The following MUC5AC variants were observed in gnomAD, a reference collection of about 807,000 sequenced individuals.
The protein encoded by MUC5AC is mucin-5AC.
In MUC5AC, 158 loss-of-function variants were observed where a neutral mutation model predicts 169.7. The ratio of observed to expected loss-of-function variants is 0.93; its 90% CI spans 0.82 to 1.06. The LOEUF (loss-of-function observed/expected upper bound fraction) is 1.06. Among genes scored for constraint, MUC5AC ranks in the 50% least tolerant of loss-of-function variants. The pLI is 0.00. For missense variants in MUC5AC, 4,359 were observed against 3,089.9 expected (o/e 1.41, Z -9.74); for synonymous variants, 1,975 against 1,237.0 (o/e 1.60, Z -12.52).
intron 19 of MUC5AC, among the ~76,000 whole-genome samples, chr11:1,175,516 GACACGCCCACTCATGCAC>G: frequency 1.1e-5 from 1 of 90,866 alleles, no homozygotes; most frequent in South Asian, 3.7e-4. Flanking sequence ...TGCACACGCT[GACACGCCCACTCATGCAC>G]ACACACCCAT....
Position 1,177,323 on chromosome 11 carries a change from G to A in MUC5AC, c.2886G>A (p.Lys962=). The part of the protein sequence containing the change: ...PCGTTGTTCS[K]AIKIFLGGFE... ...GCACCACAGGGACCACCTGCTCCAA[G>A]GCCATCAAGATTTTCCTGGGGGTGA... is the stretch of plus-strand genomic sequence containing the variant. The change falls in exon 23 of 49, where the codon AAG becomes AAA. Residue 962 remains lysine (K), a synonymous_variant. Coordinates refer to ENST00000621226, the MANE Select transcript of MUC5AC (RefSeq NM_001304359.2). 2.2e-6 allele frequency: 1 copy of A among 457,216 alleles called. No individual in the cohort carries two copies. Among genetic ancestry groups the A allele is most frequent in the Non-Finnish European group, 3.9e-6 (1 of 256,684 alleles). The allele number at this position is 457,216 out of a possible 1,614,324, so 28.3% of individuals were successfully genotyped here.
rs1861116321 is a variant in MUC5AC, at chr11:1,191,862, CCCA to C, written c.13724_13726del (p.Thr4575del). 1 of 762,994 alleles carries C rather than the reference CCCA, an allele frequency of 1.3e-6. No individual in the cohort carries two copies. Among genetic ancestry groups the C allele is most frequent in the Non-Finnish European group, 2.4e-6 (1 of 417,460 alleles). The allele number at this position is 762,994 out of a possible 1,614,324, so 47.3% of individuals were successfully genotyped here. A position where few individuals can be genotyped will look rare whatever the true frequency, so the allele number is the denominator to read the frequency against. The stretch of plus-strand genomic sequence containing the variant: ...TCCTGGAACTACTCCCAGCCCTGTT[CCCA>C]CCACCAGCACAACCTCTGCTCCTAC... On this transcript the variant is annotated inframe_deletion, in exon 31 of 49. Transcript: ENST00000621226.
Position 1,186,241 on chromosome 11 carries a change from C to T in MUC5AC, c.8096C>T (p.Thr2699Ile), listed in dbSNP as rs1860941677. The change falls in exon 31 of 49, where the codon ACT (threonine) becomes ATT (isoleucine). Residue 2699 changes from threonine to isoleucine, a missense_variant. Physicochemically the swap from Thr to Ile is moderately conservative, Grantham distance 89 (BLOSUM62 -1). Transcript: ENST00000621226. ...TTSTTSGPGT[T>I]PSPVPTTSTT... ...AGCACAACCTCTGGTCCTGGAACTA[C>T]TCCCAGCCCTGTTCCCACCACCAGC... 1 of 720,090 alleles carries T rather than the reference C, an allele frequency of 1.4e-6. No individual in the cohort carries two copies. The highest frequency in any genetic ancestry group is 2.6e-6 in the Non-Finnish European group (1 of 389,722). 44.6% of individuals were successfully genotyped at this position (720,090 alleles called of 1,614,324 possible). A position where few individuals can be genotyped will look rare whatever the true frequency, so the allele number is the denominator to read the frequency against.
intron 40 of MUC5AC, among the ~76,000 whole-genome samples, chr11:1,197,165 T>G (rs1861298676): frequency 6.6e-6 from 1 of 152,060 alleles, no homozygotes; most frequent in Non-Finnish European, 1.5e-5. Flanking sequence ...TGTGGGTGGG[T>G]GCTGGCCCCG....
At position 1,199,706 on chromosome 11, in the gene MUC5AC, C is replaced by A. The variant is rs1469502250; in HGVS notation, c.16527C>A (p.Arg5509=). Residue 5509 remains arginine, a synonymous_variant, in exon 47 of 49, where the codon CGC becomes CGA. Coordinates refer to ENST00000621226, the MANE Select transcript of MUC5AC (RefSeq NM_001304359.2). ...PPLSCSLDEA[R]MSKDGCCRFC... is the part of the protein sequence containing the mutation. ...CTCTGTCGGCACAGGACGAGGCCCG[C>A]ATGAGCAAGGACGGCTGCTGCCGCT... 4 of 710,464 alleles carry A rather than the reference C, an allele frequency of 5.6e-6. No homozygotes were observed. Among genetic ancestry groups the A allele is most frequent in the Middle Eastern group, 2.3e-4 (1 of 4,316 alleles). The allele number at this position is 710,464 out of a possible 1,614,324, so 44.0% of individuals were successfully genotyped here. A position where few individuals can be genotyped will look rare whatever the true frequency, so the allele number is the denominator to read the frequency against.
At chr11:1,161,847 AG>A in intron 3 of MUC5AC, 59 bp from the exon 4 acceptor site, 2 of 1,559,296 alleles carry the variant, frequency 1.3e-6, no homozygotes, top group Admixed American at 1.8e-5. Flanking sequence ...GGGCAGAGGC[AG>A]GGGGTGCAGG....
chr11:1,178,558 TC>T lies in MUC5AC; in HGVS notation c.3207del (p.Ser1070ProfsTer51). On this transcript the variant is annotated frameshift_variant, in exon 25 of 49. Transcript: ENST00000621226. LOFTEE classifies it high-confidence loss of function. ...GGAGTTTGGGAACAGCTGGAAGCTCTCCCCCTCCTGCCCAGATGCCCTGGCG... is the reference window on the plus strand; with the variant it reads ...GGAGTTTGGGAACAGCTGGAAGCTCTCCCCTCCTGCCCAGATGCCCTGGCG... ...VLEFGNSWKL[S>X]PSCPDALAPK... 2.2e-6 allele frequency: 3 copies of T among 1,379,642 alleles called. No individual in the cohort carries two copies. Among genetic ancestry groups the T allele is most frequent in the South Asian group, 1.8e-5 (1 of 56,384 alleles). 85.5% of individuals were successfully genotyped at this position (1,379,642 alleles called of 1,614,324 possible).
At position 1,191,412 on chromosome 11, in the gene MUC5AC, A is replaced by G. The variant is rs1441270234; in HGVS notation, c.13267A>G (p.Thr4423Ala). 1.6e-5 allele frequency: 12 copies of G among 727,790 alleles called. No homozygotes were observed. Among genetic ancestry groups the G allele is most frequent in the Non-Finnish European group, 2.8e-5 (11 of 399,680 alleles). 45.1% of individuals were successfully genotyped at this position (727,790 alleles called of 1,614,324 possible). Residue 4423 changes from threonine to alanine, a missense_variant, in exon 31 of 49, where the codon ACC (threonine) becomes GCC (alanine). By Grantham distance (58) the Thr-to-Ala change is moderately conservative. Transcript: ENST00000621226. ...PTTSTTSAPT[T>A]RTTPASTAST... is the part of the protein sequence containing the mutation. The stretch of plus-strand genomic sequence containing the variant: ...CACCAGCACAACCTCTGCTCCTACA[A>G]CCAGAACAACCCCTGCCTCTACAGC...
At position 1,189,052 on chromosome 11, in the gene MUC5AC, C is replaced by T; in HGVS notation, c.10907C>T (p.Thr3636Ile). 1 of 651,272 alleles carries T rather than the reference C, an allele frequency of 1.5e-6. No individual in the cohort carries two copies. Among genetic ancestry groups the T allele is most frequent in the Non-Finnish European group, 2.8e-6 (1 of 361,888 alleles). 40.3% of individuals were successfully genotyped at this position (651,272 alleles called of 1,614,324 possible). ...VTSTSVTAPSTPSGRATSPTQ... is the reference protein window; with the variant it reads ...VTSTSVTAPSIPSGRATSPTQ... ...TCCACATCTGTGACAGCTCCTAGCA[C>T]CCCTAGTGGGAGAGCCACCAGCCCA... is the stretch of plus-strand genomic sequence containing the variant. Residue 3636 changes from threonine to isoleucine, a missense_variant, in exon 31 of 49, where the codon ACC (threonine) becomes ATC (isoleucine). Thr to Ile is a moderately conservative substitution (Grantham distance 89). Transcript: ENST00000621226.
intron 9 of MUC5AC, among the ~76,000 whole-genome samples, 155 bp from the exon 10 acceptor site, chr11:1,165,147 T>C (rs1268135472): frequency 4.1e-5 from 6 of 145,020 alleles, no homozygotes; most frequent in South Asian, 2.2e-4. Context: ...CTGATGCCCC[T>C]GTCCCGGGCC....
intron 6 of MUC5AC, 105 bp downstream of exon 6, chr11:1,163,150 A>G: frequency 9.5e-7 from 1 of 1,055,698 alleles, no homozygotes; most frequent in Non-Finnish European, 1.5e-6. Context: ...ATGCACAGAT[A>G]CACGGATGCA....
At chr11:1,176,760 G>C in intron 21 of MUC5AC, 95 bp downstream of exon 21, 1 of 398,492 alleles carries the variant, frequency 2.5e-6, no homozygotes, top group East Asian at 3.6e-5. Context: ...AGGGGTCCCG[G>C]GAAAACGCAG....
chr11:1,189,923 C>T lies in MUC5AC; in HGVS notation c.11778C>T (p.Ser3926=), dbSNP rs1861048187. The T allele has an allele frequency of 6.5e-4, 498 of 765,048 alleles. 8 individuals carry two copies. The South Asian group carries it at 6.6e-3, about 10-fold the overall frequency. The allele number at this position is 765,048 out of a possible 1,614,324, so 47.4% of individuals were successfully genotyped here. Residue 3926 remains serine, a synonymous_variant, in exon 31 of 49, where the codon AGC becomes AGT. Coordinates refer to ENST00000621226, the MANE Select transcript of MUC5AC (RefSeq NM_001304359.2). ...GTTPSPVPTT[S]TASVSKTSTS... ...CTCCCAGCCCCGTTCCCACCACCAG[C>T]ACAGCCTCTGTTTCAAAGACCAGCA...
rs1554928215 is a variant in MUC5AC, at chr11:1,187,447, C to T, written c.9302C>T (p.Thr3101Met). 1.2e-4 allele frequency: 84 copies of T among 729,816 alleles called. No individual in the cohort carries two copies. Among genetic ancestry groups the T allele is most frequent in the African/African-American group, 4.1e-4 (24 of 57,930 alleles). The allele number at this position is 729,816 out of a possible 1,614,324, so 45.2% of individuals were successfully genotyped here. ...STISAPTTST[T>M]SAPTTSTTSA... Reference sequence around the variant, plus strand: ...ATCTCGGCCCCAACAACCAGCACAACGTCTGCTCCTACAACCAGCACAACC... The same window carrying T: ...ATCTCGGCCCCAACAACCAGCACAATGTCTGCTCCTACAACCAGCACAACC... The change falls in exon 31 of 49, where the codon ACG becomes ATG. Residue 3101 changes from threonine (T) to methionine (M), a missense_variant. By Grantham distance (81) the Thr-to-Met change is moderately conservative. Coordinates refer to ENST00000621226, the MANE Select transcript of MUC5AC (RefSeq NM_001304359.2).
Position 1,167,877 on chromosome 11 carries a change from C to T in MUC5AC, c.1387C>T (p.Pro463Ser), listed in dbSNP as rs1038056118. The T allele has an allele frequency of 5.2e-6, 8 of 1,549,914 alleles. No individual in the cohort carries two copies. The African/African-American group carries it at 1.1e-4, about 21-fold the overall frequency. Reference sequence around the variant, plus strand: ...ACCCCTGGTGTGTCGTGTTCCGCAGCCCTGTGACAGCAGTGCCTTCACTGT... The same window carrying T: ...ACCCCTGGTGTGTCGTGTTCCGCAGTCCTGTGACAGCAGTGCCTTCACTGT... ...HGDCSYVLTK[P>S]CDSSAFTVLA... The change falls in exon 12 of 49, where the codon CCC becomes TCC. Residue 463 changes from proline (P) to serine (S), a missense_variant and splice_region_variant. Transcript: ENST00000621226.
At chr11:1,159,124 G>A (rs975123851) in intron 1 of MUC5AC, among the ~76,000 whole-genome samples, 3 of 152,154 alleles carry the variant, frequency 2.0e-5, no homozygotes, top group East Asian at 3.9e-4. Flanking sequence ...CCCCCACGGG[G>A]CTTGCAGATG....
At position 1,179,133 on chromosome 11, in the gene MUC5AC, G is replaced by A. The variant is rs945312111; in HGVS notation, c.3369G>A (p.Ala1123=). The A allele has an allele frequency of 6.2e-5, 41 of 658,818 alleles. No homozygotes were observed. In the East Asian group the frequency reaches 7.4e-4, roughly 12 times the overall value. 40.8% of individuals were successfully genotyped at this position (658,818 alleles called of 1,614,324 possible). A position where few individuals can be genotyped will look rare whatever the true frequency, so the allele number is the denominator to read the frequency against. The stretch of plus-strand genomic sequence containing the variant: ...ACTACGAGGCCTGCGTGAACGACGC[G>A]TGCGCCTGCGACTCCGGGGGTGACT... ...ARYYEACVND[A]CACDSGGDCE... is the part of the protein sequence containing the mutation. Residue 1123 remains alanine (A), a synonymous_variant, in exon 26 of 49, where the codon GCG becomes GCA. Transcript: ENST00000621226.
intron 15 of MUC5AC, among the ~76,000 whole-genome samples, chr11:1,171,873 A>AT (rs1860555657): frequency 1.4e-5 from 2 of 145,440 alleles, no homozygotes; most frequent in African/African-American, 5.2e-5. Context: ...TCACTCACCC[A>AT]TTCACCCACT....
At chr11:1,180,909 C>T (rs1292298978) in intron 28 of MUC5AC, among the ~76,000 whole-genome samples, 3 of 152,150 alleles carry the variant, frequency 2.0e-5, no homozygotes, top group South Asian at 2.1e-4. Context: ...CCCTGACCCC[C>T]GACTGGAGGG....
Sources: allele counts gnomAD v4.1 joint callset (sites outside exome capture counted in the v4.1 genomes callset), GRCh38; gene constraint gnomAD v4.1.1; transcripts MANE v1.5; gene names NCBI Gene and HGNC (gene_info 2026-07-23, HGNC 2026-07-21).